KHNYN: variants seen among roughly 807,000 people sequenced by gnomAD.
KHNYN encodes the protein KH and NYN domain containing.
KHNYN carries 42 observed loss-of-function variants against 62.7 expected under a neutral mutation model. That is an observed-to-expected ratio of 0.67 (90% confidence interval 0.52 to 0.87). KHNYN has a LOEUF of 0.87. KHNYN is among the 40% of genes least tolerant of loss of function. The pLI, the probability that KHNYN is intolerant of heterozygous loss-of-function variation, is 0.00. For missense variants in KHNYN, 829 were observed against 874.1 expected (o/e 0.95, Z 0.65); for synonymous variants, 347 against 345.6 (o/e 1.00, Z -0.04).
rs780386857 is a variant in KHNYN, at chr14:24,430,950, C to G, written c.201+19C>G. 6.6e-5 allele frequency: 105 copies of G among 1,601,566 alleles called. No individual in the cohort carries two copies. Among genetic ancestry groups the G allele is most frequent in the Non-Finnish European group, 8.6e-5 (101 of 1,171,410 alleles). On this transcript the variant is annotated intron_variant, in intron 2 of 7. Coordinates refer to ENST00000553935, the MANE Select transcript of KHNYN (RefSeq NM_015299.3). ...AGCCAAGGTGAACGCCTTCTCTCCC[C>G]CATCCCTCCAGGCACCAAGGACGCT...
At chr14:24,430,539 G>C in intron 1 of KHNYN, 175 bp from the exon 2 acceptor site, 1 of 1,411,596 alleles carries the variant, frequency 7.1e-7, no homozygotes. Context: ...TCTCCGGAGA[G>C]GCCTGCGTGA....
At chr14:24,431,191 T>C (rs1251660565) in intron 2 of KHNYN, among the ~76,000 whole-genome samples, 1 of 152,224 alleles carries the variant, frequency 6.6e-6, no homozygotes, top group Non-Finnish European at 1.5e-5. Flanking sequence ...AGAATAGAGA[T>C]ATCTGGCTGA....
chr14:24,438,866 C>T lies in KHNYN; in HGVS notation c.*1581C>T, dbSNP rs1037359598. 7.2e-5 allele frequency: 11 copies of T among 152,182 alleles called. No individual in the cohort carries two copies. Among genetic ancestry groups the T allele is most frequent in the African/African-American group, 2.4e-4 (10 of 41,416 alleles). The allele number at this position is 152,182 out of a possible 1,614,324, so 9.4% of individuals were successfully genotyped here. A position where few individuals can be genotyped will look rare whatever the true frequency, so the allele number is the denominator to read the frequency against. On this transcript the variant is annotated 3_prime_UTR_variant, in exon 8 of 8. Transcript: ENST00000553935. ...AGACAAGATCTTTTCCAGGCCCTGA[C>T]TTCTGCCTCCCTCTGAGTGGCACAG... is the stretch of plus-strand genomic sequence containing the variant.
chr14:24,430,415 T>C (rs2043084823), intron 1 of KHNYN: 1 of 1,196,552 alleles, frequency 8.4e-7, no homozygotes, highest in African/African-American at 1.6e-5. Context: ...AGACTCCTTC[T>C]GGCCTCCAGG....
intron 5 of KHNYN, among the ~76,000 whole-genome samples, chr14:24,435,306 T>G (rs1423410792): frequency 2.6e-5 from 4 of 152,142 alleles, no homozygotes; most frequent in Admixed American, 6.5e-5. Flanking sequence ...TTGGGAGAGA[T>G]AAGGCTGTAA....
In KHNYN at chr14:24,431,854, C is replaced by T. The variant is rs1368691448; in HGVS notation, c.593C>T (p.Ser198Phe). 2 of 1,613,932 alleles carry T rather than the reference C, an allele frequency of 1.2e-6. No individual in the cohort carries two copies. The highest frequency in any genetic ancestry group is 2.7e-5 in the African/African-American group (2 of 74,936). ...EELLSLVQEA[S>F]SGQGPGALAS... Reference sequence around the variant, plus strand: ...CTGCTGAGTCTGGTGCAGGAGGCGTCTAGTGGGCAGGGGCCAGGAGCACTG... The same window carrying T: ...CTGCTGAGTCTGGTGCAGGAGGCGTTTAGTGGGCAGGGGCCAGGAGCACTG... The change falls in exon 3 of 8, where the codon TCT becomes TTT. Residue 198 changes from serine (S) to phenylalanine (F), a missense_variant. Coordinates refer to ENST00000553935, the MANE Select transcript of KHNYN (RefSeq NM_015299.3).
chr14:24,427,661 G>A, upstream of KHNYN: 3 of 853,172 alleles, frequency 3.5e-6, no homozygotes, highest in Non-Finnish European at 5.8e-6. This position sits in a 1 kb window ranked among gnomAD's most constrained non-coding sequence, Gnocchi z 4.4. Flanking sequence ...TTTGGCACAG[G>A]GTCCCATGCA....
Position 24,441,764 on chromosome 14 carries a change from C to T in KHNYN, c.*4479C>T, listed in dbSNP as rs764455332. ...AATTGGGTGGTCTCTAGGCGGCTGC[C>T]GATTACCTCTTTTTGGAAGGTTTCA... is the stretch of plus-strand genomic sequence containing the variant. On this transcript the variant is annotated 3_prime_UTR_variant, in exon 8 of 8. Coordinates refer to ENST00000553935, the MANE Select transcript of KHNYN (RefSeq NM_015299.3). 1.6e-5 allele frequency: 25 copies of T among 1,603,648 alleles called. No homozygotes were observed. The highest frequency in any genetic ancestry group is 4.0e-5 in the African/African-American group (3 of 74,248).
Position 24,432,034 on chromosome 14 carries a change from AG to A in KHNYN, c.776del (p.Gly259GlufsTer44). 1 of 1,604,120 alleles carries A rather than the reference AG, an allele frequency of 6.2e-7. No individual in the cohort carries two copies. The highest frequency in any genetic ancestry group is 2.2e-5 in the East Asian group (1 of 44,728). On this transcript the variant is annotated frameshift_variant, in exon 3 of 8. Coordinates refer to ENST00000553935, the MANE Select transcript of KHNYN (RefSeq NM_015299.3). LOFTEE classifies it high-confidence loss of function. The surrounding 1 kb of genome is among the most constrained non-coding windows in gnomAD (Gnocchi z 5.6). ...GGAGACACTTACGCTGTGGAGAAGGAGGGAGGGAAACAGGGTGGTCCCAGGG... is the reference window on the plus strand; with the variant it reads ...GGAGACACTTACGCTGTGGAGAAGGAGGAGGGAAACAGGGTGGTCCCAGGG... Reference protein sequence around the residue: ...ARGDTYAVEKEGGKQGGPREM... With the variant: ...ARGDTYAVEKXGGKQGGPREM...
upstream of KHNYN, chr14:24,427,816 G>T (rs760763185): frequency 6.2e-7 from 1 of 1,614,118 alleles, no homozygotes; most frequent in Non-Finnish European, 8.5e-7. The surrounding 1 kb of genome is among the most constrained non-coding windows in gnomAD (Gnocchi z 4.4). Flanking sequence ...GGAAGCCAGA[G>T]AAACTTGAGT....
Position 24,440,303 on chromosome 14 carries a change from G to T in KHNYN, c.*3018G>T. The T allele has an allele frequency of 6.2e-7, 1 of 1,613,960 alleles. No individual in the cohort carries two copies. ...GGCAAACTCAGCATTAGTGGCGGAG[G>T]ATGGAGCCACTCCATTCAGGACCCC... On this transcript the variant is annotated 3_prime_UTR_variant, in exon 8 of 8. Transcript: ENST00000553935.
rs1401118872 is a variant in KHNYN at position 24,441,271 on chromosome 14, A to G, written c.*3986A>G. 6.2e-5 allele frequency: 28 copies of G among 453,296 alleles called. No individual in the cohort carries two copies. Among genetic ancestry groups the G allele is most frequent in the Non-Finnish European group, 9.6e-5 (24 of 248,832 alleles). The allele number at this position is 453,296 out of a possible 1,614,324, so 28.1% of individuals were successfully genotyped here. Reference sequence around the variant, plus strand: ...TGTATAGAATTTTCACATCTTTAAAATGGGAATAATAGTACCTACCTCATA... The same window carrying G: ...TGTATAGAATTTTCACATCTTTAAAGTGGGAATAATAGTACCTACCTCATA... On this transcript the variant is annotated 3_prime_UTR_variant, in exon 8 of 8. Transcript: ENST00000553935.
chr14:24,436,625 G>T, intron 7 of KHNYN, 136 bp downstream of exon 7: 1 of 642,136 alleles, frequency 1.6e-6, no homozygotes, highest in Non-Finnish European at 2.6e-6. Flanking sequence ...CATTGGCCTT[G>T]GCCTTTATAA....
rs2139403243 is a variant in KHNYN, at chr14:24,439,593, G to A, written c.*2308G>A. On this transcript the variant is annotated 3_prime_UTR_variant, in exon 8 of 8. Transcript: ENST00000553935. ...GTGTCTATCTTTATCATAACCTGATGTCCCAAACTTGTGACAAGTTCTTTT... is the reference window on the plus strand; with the variant it reads ...GTGTCTATCTTTATCATAACCTGATATCCCAAACTTGTGACAAGTTCTTTT... The A allele has an allele frequency of 6.5e-6, 1 of 153,648 alleles. No individual in the cohort carries two copies. The highest frequency in any genetic ancestry group is 1.4e-5 in the Non-Finnish European group (1 of 69,026). 9.5% of individuals were successfully genotyped at this position (153,648 alleles called of 1,614,324 possible).
At position 24,432,348 on chromosome 14, in the gene KHNYN, G is replaced by C; in HGVS notation, c.1087G>C (p.Ala363Pro). Residue 363 changes from alanine (A) to proline (P), a missense_variant, in exon 3 of 8, where the codon GCA (alanine) becomes CCA (proline). Physicochemically the swap from Ala to Pro is conservative, Grantham distance 27 (BLOSUM62 -1). Coordinates refer to ENST00000553935, the MANE Select transcript of KHNYN (RefSeq NM_015299.3). This position sits in a 1 kb window ranked among gnomAD's most constrained non-coding sequence, Gnocchi z 5.6. ...SPPRVPSPPP[A>P]PEPPWHCGDR... The stretch of plus-strand genomic sequence containing the variant: ...TCCGAGGGTGCCCAGCCCTCCACCT[G>C]CACCGGAACCCCCATGGCACTGTGG... 1 of 1,614,024 alleles carries C rather than the reference G, an allele frequency of 6.2e-7. No individual in the cohort carries two copies. Among genetic ancestry groups the C allele is most frequent in the Non-Finnish European group, 8.5e-7 (1 of 1,179,998 alleles).
At position 24,440,850 on chromosome 14, in the gene KHNYN, G is replaced by A. The variant is rs367894313; in HGVS notation, c.*3565G>A. On this transcript the variant is annotated 3_prime_UTR_variant, in exon 8 of 8. Transcript: ENST00000553935. ...TGGCTGCAGCTTCCCATTTGGTTAC[G>A]AGGTTGGAGAAAAAGTCAAAGTCCC... 8 of 1,613,866 alleles carry A rather than the reference G, an allele frequency of 5.0e-6. No homozygotes were observed. Among genetic ancestry groups the A allele is most frequent in the African/African-American group, 4.0e-5 (3 of 74,920 alleles).
At chr14:24,429,054 TGGCTGAGG>T, upstream of KHNYN, 4 of 1,495,832 alleles carry the variant, frequency 2.7e-6, no homozygotes, top group Non-Finnish European at 3.6e-6. Context: ...GCTCCCAACA[TGGCTGAGG>T]GGCTCTGCAA....
chr14:24,428,964 ACC>A, upstream of KHNYN: 2 of 1,551,330 alleles, frequency 1.3e-6, no homozygotes, highest in South Asian at 2.4e-5. Flanking sequence ...TCCTGGGCCC[ACC>A]CGGCCCCCAG....
rs2043312981 is a variant in KHNYN, at chr14:24,440,808, A to G, written c.*3523A>G. The G allele has an allele frequency of 3.1e-6, 5 of 1,613,974 alleles. No individual in the cohort carries two copies. In the East Asian group the frequency reaches 1.1e-4, roughly 36 times the overall value. ...CTGAGCGCACCACCACCTGGCGTGT[A>G]GAATCTCCAGGAAGCCTGGCTGCAG... On this transcript the variant is annotated 3_prime_UTR_variant, in exon 8 of 8. Transcript: ENST00000553935.
Sources: gnomAD v4.1 joint callset for allele counts (sites outside exome capture counted in the v4.1 genomes callset) on GRCh38, gnomAD v4.1.1 for gene constraint, Gnocchi (gnomAD v3.1) non-coding constraint, MANE v1.5 for transcripts, NCBI Gene and HGNC (gene_info 2026-07-23, HGNC 2026-07-21) for gene names.